Variants in RIMBP2 observed in about 807,000 individuals in gnomAD.
RIMBP2 encodes RIMS-binding protein 2.
Under a neutral mutation model 118.6 loss-of-function variants are expected in RIMBP2, and 48 were observed. The observed-to-expected ratio is 0.40, with a 90% CI of 0.32 to 0.51. RIMBP2 has a LOEUF of 0.51. Ranked by LOEUF, RIMBP2 falls within the 20% of genes least tolerant of loss-of-function variation. The pLI, the probability that RIMBP2 is intolerant of heterozygous loss-of-function variation, is 0.41. For missense variants in RIMBP2, 1,551 were observed against 1,768.3 expected (o/e 0.88, Z 2.20); for synonymous variants, 762 against 742.9 (o/e 1.03, Z -0.42).
chr12:130,692,094 G>A (rs1482542434), intron 1 of RIMBP2, among the ~76,000 whole-genome samples: 2 of 152,232 alleles, frequency 1.3e-5, no homozygotes, highest in Non-Finnish European at 2.9e-5. Context: ...TGCAGAGCTG[G>A]TGTGCAGCTG....
chr12:130,652,688 G>A (rs1304309056), intron 1 of RIMBP2, among the ~76,000 whole-genome samples: 1 of 152,150 alleles, frequency 6.6e-6, no homozygotes, highest in African/African-American at 2.4e-5. Context: ...CTGAACCTGG[G>A]TGATTTATAA....
Position 130,427,835 on chromosome 12 carries a change from C to T in RIMBP2, c.2412+344G>A, listed in dbSNP as rs78300223. ...ATTTAGAGGTTGATGCACGCTCTCT[C>T]GGCTGCCGATTCTCTCGAGATGAGA... On this transcript the variant is annotated intron_variant, in intron 15 of 22. Transcript: ENST00000690449. 6.4e-3 allele frequency: 1,216 copies of T among 189,582 alleles called. 7 individuals carry two copies. The highest frequency in any genetic ancestry group is 0.027 in the African/African-American group (1,149 of 43,086). 11.7% of individuals were successfully genotyped at this position (189,582 alleles called of 1,614,324 possible).
intron 22 of RIMBP2, chr12:130,399,262 C>T: frequency 1.6e-6 from 1 of 615,850 alleles, no homozygotes; most frequent in East Asian, 4.2e-5. Context: ...AGATACTAAA[C>T]ATGAATGTAG....
chr12:130,455,203 G>A (rs916243365), intron 7 of RIMBP2, among the ~76,000 whole-genome samples: 1 of 152,232 alleles, frequency 6.6e-6, no homozygotes, highest in Admixed American at 6.5e-5. Flanking sequence ...GTTTTCCCCT[G>A]GGAAGAACGG....
At chr12:130,584,065 ATCACCACCATCACC>A (rs1391291643) in intron 2 of RIMBP2, among the ~76,000 whole-genome samples, 3 of 150,962 alleles carry the variant, frequency 2.0e-5, no homozygotes, top group South Asian at 2.1e-4. Context: ...CACCATGACC[ATCACCACCATCACC>A]TCACCACCAT....
At chr12:130,615,015 G>T (rs1323011455) in intron 2 of RIMBP2, among the ~76,000 whole-genome samples, 1 of 148,856 alleles carries the variant, frequency 6.7e-6, no homozygotes, top group Non-Finnish European at 1.5e-5. Flanking sequence ...CATTTGTCTG[G>T]CAGGAAACGT....
intron 4 of RIMBP2, among the ~76,000 whole-genome samples, chr12:130,496,935 C>A (rs1019817817): frequency 3.3e-5 from 5 of 152,182 alleles, no homozygotes; most frequent in African/African-American, 1.2e-4. Context: ...AACAGCAACC[C>A]ATCCTCTCAT....
At chr12:130,682,526 C>A (rs998981772) in intron 1 of RIMBP2, among the ~76,000 whole-genome samples, 1 of 152,204 alleles carries the variant, frequency 6.6e-6, no homozygotes, top group South Asian at 2.1e-4. Context: ...TCATGCACGG[C>A]GCACCAGGGG....
At chr12:130,682,148 G>T (rs1452954600) in intron 1 of RIMBP2, among the ~76,000 whole-genome samples, 1 of 152,080 alleles carries the variant, frequency 6.6e-6, no homozygotes, top group Non-Finnish European at 1.5e-5. Context: ...CCGGTGAGGG[G>T]ATGTGACCCA....
intron 2 of RIMBP2, among the ~76,000 whole-genome samples, chr12:130,604,738 A>C (rs1428464611): frequency 2.4e-5 from 1 of 41,332 alleles, no homozygotes; most frequent in Non-Finnish European, 6.2e-5. Context: ...CACCACCACC[A>C]CGCCCGGCTA....
chr12:130,436,423 ATG>A (rs986160468), intron 13 of RIMBP2, among the ~76,000 whole-genome samples: 1 of 152,204 alleles, frequency 6.6e-6, no homozygotes, highest in African/African-American at 2.4e-5. Flanking sequence ...ACATATGTGC[ATG>A]TGTGTGTATA....
At chr12:130,495,288 C>T (rs1204866045) in intron 4 of RIMBP2, among the ~76,000 whole-genome samples, 1 of 152,244 alleles carries the variant, frequency 6.6e-6, no homozygotes, top group East Asian at 1.9e-4. Flanking sequence ...GACACCTGCC[C>T]CAGACCAAGC....
intron 2 of RIMBP2, among the ~76,000 whole-genome samples, chr12:130,605,049 C>T (rs2060103473): frequency 6.6e-6 from 1 of 152,070 alleles, no homozygotes; most frequent in Non-Finnish European, 1.5e-5. Flanking sequence ...ACCACACAGC[C>T]TCGGGGTGCG....
chr12:130,707,672 T>TAA, intron 1 of RIMBP2, among the ~76,000 whole-genome samples: 1 of 152,120 alleles, frequency 6.6e-6, no homozygotes, highest in Non-Finnish European at 1.5e-5. Context: ...CTGGCTGCTG[T>TAA]GTGAGAGTGA....
At chr12:130,651,166 A>G (rs2063217978) in intron 1 of RIMBP2, among the ~76,000 whole-genome samples, 1 of 152,066 alleles carries the variant, frequency 6.6e-6, no homozygotes, top group Admixed American at 6.5e-5. Flanking sequence ...TGCTTTCTGC[A>G]AAAGACCAAC....
chr12:130,693,821 T>C (rs970011716), intron 1 of RIMBP2, among the ~76,000 whole-genome samples: 2 of 152,208 alleles, frequency 1.3e-5, no homozygotes, highest in African/African-American at 4.8e-5. Flanking sequence ...GTCACTTACT[T>C]TCTCTTGCCC....
intron 2 of RIMBP2, among the ~76,000 whole-genome samples, chr12:130,528,192 A>G (rs1271596263): frequency 1.3e-5 from 2 of 152,218 alleles, no homozygotes; most frequent in Non-Finnish European, 1.5e-5. Context: ...CATGGAATCA[A>G]CCCAAATGCC....
At chr12:130,715,342 C>T (rs1950254986) in intron 1 of RIMBP2, among the ~76,000 whole-genome samples, 1 of 152,124 alleles carries the variant, frequency 6.6e-6, no homozygotes. Flanking sequence ...GGAGGTGAAG[C>T]AGTCCTCCCT....
At chr12:130,689,239 C>A (rs1220486080) in intron 1 of RIMBP2, among the ~76,000 whole-genome samples, 1 of 152,064 alleles carries the variant, frequency 6.6e-6, no homozygotes, top group Non-Finnish European at 1.5e-5. Context: ...TCGAGCCCAG[C>A]CTGGCCGATG....
Sources: allele counts gnomAD v4.1 joint callset (sites outside exome capture counted in the v4.1 genomes callset), GRCh38; gene constraint gnomAD v4.1.1; transcripts MANE v1.5; gene names NCBI Gene and HGNC (gene_info 2026-07-23, HGNC 2026-07-21).